The following MYO1H variants were observed in gnomAD, a reference collection of about 807,000 sequenced individuals.
MYO1H encodes myosin IH, also known as unconventional myosin-Ih.
A neutral mutation model predicts 149.3 loss-of-function variants in MYO1H; 118 were observed. The observed-to-expected ratio is 0.79, with a 90% CI of 0.68 to 0.92. The LOEUF is 0.92. Ranked by LOEUF, MYO1H falls within the 40% of genes least tolerant of loss-of-function variation. The pLI is 0.00. For synonymous variants in MYO1H, 447 were observed against 465.2 expected (o/e 0.96, Z 0.50); for missense variants, 1,212 against 1,280.7 (o/e 0.95, Z 0.82).
chr12:109,362,469 AG>A (rs1211387605), intron 1 of MYO1H, among the ~76,000 whole-genome samples: 1 of 152,234 alleles, frequency 6.6e-6, no homozygotes, highest in Non-Finnish European at 1.5e-5. Flanking sequence ...TACAAAAGAC[AG>A]ATTAACAAGA....
intron 2 of MYO1H, 118 bp downstream of exon 2, chr12:109,388,962 G>A: frequency 7.8e-7 from 1 of 1,285,518 alleles, no homozygotes; most frequent in Non-Finnish European, 1.1e-6. Flanking sequence ...GGGAGATACT[G>A]AGGCGCCACT....
In MYO1H at chr12:109,443,353, T is replaced by TAC. The variant is rs1253548113; in HGVS notation, c.2689-160_2689-159insCA. Among the ~76,000 whole-genome samples the TAC allele has an allele frequency of 1.4e-3, 131 of 92,016 alleles. 26 individuals carry two copies. The highest frequency in any genetic ancestry group is 4.5e-3 in the East Asian group (18 of 3,962). 60.4% of individuals were successfully genotyped at this position (92,016 alleles called of 152,430 possible). A position where few individuals can be genotyped will look rare whatever the true frequency, so the allele number is the denominator to read the frequency against. On this transcript the variant is annotated intron_variant, in intron 27 of 31. Transcript: ENST00000310903. The stretch of plus-strand genomic sequence containing the variant: ...GTATGTGTACGTATATATGTGTGTA[T>TAC]ATACACACACACACACACACACACA...
the MYO1H span, among the ~76,000 whole-genome samples, chr12:109,335,132 A>G: frequency 2.0e-5 from 3 of 152,214 alleles, no homozygotes; most frequent in African/African-American, 4.8e-5. Flanking sequence ...TATTATAATA[A>G]TATGTCACAT....
At chr12:109,350,071 G>A (rs1868432069) in intron 1 of MYO1H, among the ~76,000 whole-genome samples, 2 of 151,748 alleles carry the variant, frequency 1.3e-5, no homozygotes, top group Admixed American at 1.3e-4. Context: ...GATGAACAAA[G>A]CAAAATGAAG....
At chr12:109,324,470 G>C in the MYO1H span, among the ~76,000 whole-genome samples, 2 of 152,144 alleles carry the variant, frequency 1.3e-5, no homozygotes, top group Admixed American at 1.3e-4. Flanking sequence ...AATCTAATCT[G>C]CCTAACTTAT....
At chr12:109,321,430 G>A in the MYO1H span, among the ~76,000 whole-genome samples, 1 of 151,892 alleles carries the variant, frequency 6.6e-6, no homozygotes, top group East Asian at 2.0e-4. Flanking sequence ...ACGGGCGCCT[G>A]TAATCCCAGC....
the MYO1H span, among the ~76,000 whole-genome samples, chr12:109,328,588 C>T: frequency 6.6e-6 from 1 of 152,164 alleles, no homozygotes; most frequent in Non-Finnish European, 1.5e-5. Context: ...TGGCTCTGAA[C>T]TTTTTGTTCC....
chr12:109,409,252 T>C (rs935357886), intron 10 of MYO1H, among the ~76,000 whole-genome samples: 41 of 58,908 alleles, frequency 7.0e-4, no homozygotes, highest in Middle Eastern at 0.017. Flanking sequence ...TCTTCTTTTT[T>C]TTTTTTTTTT....
intron 26 of MYO1H, 82 bp downstream of exon 26, chr12:109,441,790 T>A: frequency 1.1e-6 from 1 of 951,912 alleles, no homozygotes; most frequent in Non-Finnish European, 1.6e-6. Context: ...CTCATGCCCA[T>A]AATCTCAGCA....
At chr12:109,326,680 C>T in the MYO1H span, among the ~76,000 whole-genome samples, 10 of 151,926 alleles carry the variant, frequency 6.6e-5, no homozygotes, top group Non-Finnish European at 1.0e-4. Flanking sequence ...TCACCATCCC[C>T]GGCTAATTTT....
chr12:109,415,601 G>A (rs1401865534), exon 15 of MYO1H: 2 of 1,602,838 alleles, frequency 1.2e-6, no homozygotes, highest in Admixed American at 1.7e-5. Context: ...ATGCAGGAGA[G>A]GTCACATACT....
intron 1 of MYO1H, among the ~76,000 whole-genome samples, chr12:109,351,889 G>A (rs1399623912): frequency 1.3e-5 from 2 of 152,152 alleles, no homozygotes. Context: ...AAGATTCCAC[G>A]GTGGTTGGAG....
the MYO1H span, among the ~76,000 whole-genome samples, chr12:109,333,812 G>C: frequency 4.6e-5 from 7 of 152,106 alleles, no homozygotes; most frequent in African/African-American, 1.7e-4. Context: ...AATGTTTTCA[G>C]GTTATGATGG....
chr12:109,371,628 T>C (rs1868984761), intron 1 of MYO1H, among the ~76,000 whole-genome samples: 1 of 152,214 alleles, frequency 6.6e-6, no homozygotes, highest in Non-Finnish European at 1.5e-5. Context: ...TTGATGGATA[T>C]TGAGGTTGCT....
At position 109,388,927 on chromosome 12, in the gene MYO1H, G is replaced by T. The variant is rs1056161727; in HGVS notation, c.174+83G>T. On this transcript the variant is annotated intron_variant, in intron 2 of 31. Coordinates refer to ENST00000310903, the Ensembl canonical transcript of MYO1H. ...ACGACTTTGATGAGTGTGAATAATA[G>T]CACTCTATTAGGTTAGACATTAAAG... 14 of 1,463,060 alleles carry T rather than the reference G, an allele frequency of 9.6e-6. No individual in the cohort carries two copies. In the East Asian group the frequency reaches 2.8e-4, roughly 29 times the overall value. The allele number at this position is 1,463,060 out of a possible 1,614,324, so 90.6% of individuals were successfully genotyped here.
intron 1 of MYO1H, among the ~76,000 whole-genome samples, chr12:109,368,766 G>T (rs1397638569): frequency 1.3e-5 from 2 of 151,532 alleles, no homozygotes; most frequent in Non-Finnish European, 2.9e-5. Context: ...GGTTTATTGT[G>T]TGATGCTCAG....
In MYO1H at chr12:109,408,798, A is replaced by AT. The variant is rs200282100; in HGVS notation, c.1156-750dup. 1.1e-3 allele frequency among the ~76,000 whole-genome samples: 156 copies of AT among 139,852 alleles called. 1 individual carries two copies. Among genetic ancestry groups the AT allele is most frequent in the Admixed American group, 2.5e-3 (36 of 14,278 alleles). The allele number at this position is 139,852 out of a possible 152,430, so 91.7% of individuals were successfully genotyped here. On this transcript the variant is annotated intron_variant, in intron 10 of 31. Transcript: ENST00000310903. The stretch of plus-strand genomic sequence containing the variant: ...TAAATAAATACATTATCTCTTTTTT[A>AT]TTTTTTTTTGAGACGGAGTCCCACT...
At chr12:109,423,564 T>G (rs1871255905) in intron 16 of MYO1H, among the ~76,000 whole-genome samples, 1 of 152,194 alleles carries the variant, frequency 6.6e-6, no homozygotes, top group South Asian at 2.1e-4. Context: ...GAACTGAAAC[T>G]CAGTATCCAC....
chr12:109,427,897 A>ATATAT (rs1871423968), intron 19 of MYO1H, among the ~76,000 whole-genome samples: 5 of 51,810 alleles, frequency 9.7e-5, no homozygotes, highest in African/African-American at 1.7e-4. Flanking sequence ...AAAAAAAAAA[A>ATATAT]AAAAAAAAAA....
Sources: gnomAD v4.1 joint callset for allele counts (sites outside exome capture counted in the v4.1 genomes callset) on GRCh38, gnomAD v4.1.1 for gene constraint, MANE v1.5 for transcripts, NCBI Gene and HGNC (gene_info 2026-07-23, HGNC 2026-07-21) for gene names.